The following BCAR3 variants were observed in gnomAD, a reference collection of about 807,000 sequenced individuals.
BCAR3 encodes BCAR3 adaptor protein, NSP family member.
Under a neutral mutation model 80.1 loss-of-function variants are expected in BCAR3, and 37 were observed. That is an observed-to-expected ratio of 0.46 (90% CI 0.36 to 0.61). The LOEUF is 0.61. Among genes scored for constraint, BCAR3 ranks in the 20% least tolerant of loss-of-function variants. The pLI is 0.00. For missense variants in BCAR3, 978 were observed against 1,068.2 expected (o/e 0.92, Z 1.18); for synonymous variants, 389 against 418.9 (o/e 0.93, Z 0.87).
At chr1:93,579,275 G>T (rs573134082) in intron 7 of BCAR3, among the ~76,000 whole-genome samples, 28 of 152,370 alleles carry the variant, frequency 1.8e-4, no homozygotes, top group African/African-American at 6.0e-4. Flanking sequence ...CTTGGGATAG[G>T]AAACAACAGG....
chr1:93,729,404 A>G lies in BCAR3; in HGVS notation c.-62-23262T>C, dbSNP rs964189197. On this transcript the variant is annotated intron_variant, in intron 2 of 13. Coordinates refer to the BCAR3 transcript ENST00000370244. ...TACTGTACTGAAAGTGAGAAACAGA[A>G]AAGTTGTATGGCTACTGGAATTACG... Among the ~76,000 whole-genome samples the G allele has an allele frequency of 2.6e-5, 4 of 152,174 alleles. No homozygotes were observed. The South Asian group carries it at 8.3e-4, about 32-fold the overall frequency.
At chr1:93,716,710 C>T (rs527794238) in intron 2 of BCAR3, among the ~76,000 whole-genome samples, 2 of 152,180 alleles carry the variant, frequency 1.3e-5, no homozygotes, top group African/African-American at 4.8e-5. Context: ...TCTCCCACAG[C>T]GCCTTGGAGA....
chr1:93,634,203 T>C (rs1190412521), intron 3 of BCAR3, among the ~76,000 whole-genome samples: 3 of 152,234 alleles, frequency 2.0e-5, no homozygotes, highest in African/African-American at 7.2e-5. Context: ...CCTTTGAGAC[T>C]GTCTACTTTC....
chr1:93,619,242 A>G (rs111367773), intron 3 of BCAR3, among the ~76,000 whole-genome samples: 6,948 of 151,642 alleles, frequency 0.046, 565 homozygotes, highest in African/African-American at 0.16. Flanking sequence ...CACTGTGCCC[A>G]GCCAAAGCCA....
At chr1:93,729,129 C>T (rs1650697623) in intron 2 of BCAR3, among the ~76,000 whole-genome samples, 1 of 152,160 alleles carries the variant, frequency 6.6e-6, no homozygotes, top group Admixed American at 6.5e-5. Context: ...TTCATGTAGG[C>T]AGTTTATTGG....
chr1:93,789,271 C>A (rs1653055581), intron 2 of BCAR3, among the ~76,000 whole-genome samples: 1 of 152,202 alleles, frequency 6.6e-6, no homozygotes, highest in Non-Finnish European at 1.5e-5. Context: ...CCACTACACC[C>A]AACCTATTAA....
chr1:93,714,547 A>C (rs1377644330), intron 2 of BCAR3, among the ~76,000 whole-genome samples: 1 of 152,206 alleles, frequency 6.6e-6, no homozygotes, highest in Non-Finnish European at 1.5e-5. Flanking sequence ...CCTTCAGAAC[A>C]TAAGCTTCAA....
intron 3 of BCAR3, among the ~76,000 whole-genome samples, chr1:93,624,760 G>T (rs1299101409): frequency 6.6e-6 from 1 of 152,224 alleles, no homozygotes; most frequent in Non-Finnish European, 1.5e-5. Context: ...CATGGTATTT[G>T]CAAGAAGGTA....
intron 2 of BCAR3, among the ~76,000 whole-genome samples, chr1:93,843,617 T>C (rs916051226): frequency 4.6e-5 from 7 of 152,218 alleles, no homozygotes; most frequent in Non-Finnish European, 7.4e-5. Context: ...TCTCACCCTT[T>C]AAAAATTCCT....
chr1:93,807,932 G>A (rs1291421432), intron 2 of BCAR3, among the ~76,000 whole-genome samples: 1 of 151,724 alleles, frequency 6.6e-6, no homozygotes, highest in Non-Finnish European at 1.5e-5. Flanking sequence ...CTACTTGACA[G>A]TGAAATTGGG....
At chr1:93,595,564 A>G (rs1268813292) in intron 3 of BCAR3, among the ~76,000 whole-genome samples, 3 of 152,192 alleles carry the variant, frequency 2.0e-5, no homozygotes, top group Non-Finnish European at 4.4e-5. Context: ...TTATTTTGGG[A>G]GTGGAAACCT....
chr1:93,589,460 T>A (rs1455979656), intron 4 of BCAR3, 41 bp from the exon 5 acceptor site: 1 of 1,522,672 alleles, frequency 6.6e-7, no homozygotes, highest in Admixed American at 1.8e-5. Flanking sequence ...GAAAGGCAAA[T>A]TCACATTCCT....
intron 2 of BCAR3, among the ~76,000 whole-genome samples, chr1:93,672,793 G>A (rs1039634781): frequency 4.6e-5 from 7 of 152,240 alleles, no homozygotes; most frequent in African/African-American, 1.7e-4. Flanking sequence ...AGCAGTTCAG[G>A]GCTCTCTAGT....
At chr1:93,617,359 C>T (rs1372431198) in intron 3 of BCAR3, among the ~76,000 whole-genome samples, 2 of 152,164 alleles carry the variant, frequency 1.3e-5, no homozygotes, top group Admixed American at 1.3e-4. Flanking sequence ...ACATCTGGAA[C>T]GTAATACTGC....
chr1:93,725,652 T>G (rs1650555489), intron 2 of BCAR3, among the ~76,000 whole-genome samples: 1 of 152,254 alleles, frequency 6.6e-6, no homozygotes, highest in Non-Finnish European at 1.5e-5. Flanking sequence ...TGATTAATGC[T>G]CTCTGTGTCT....
intron 1 of BCAR3, among the ~76,000 whole-genome samples, chr1:93,676,257 T>A (rs571072533): frequency 2.6e-5 from 4 of 152,216 alleles, no homozygotes; most frequent in East Asian, 1.9e-4. Context: ...CCAAGAAGAA[T>A]GCAACCCTCC....
At chr1:93,680,931 C>T (rs989502712) in intron 1 of BCAR3, among the ~76,000 whole-genome samples, 1 of 152,186 alleles carries the variant, frequency 6.6e-6, no homozygotes, top group Non-Finnish European at 1.5e-5. Flanking sequence ...TCGGAACCTC[C>T]TTCCCACCGT....
At chr1:93,770,994 T>C (rs1234481904) in intron 2 of BCAR3, among the ~76,000 whole-genome samples, 1 of 152,210 alleles carries the variant, frequency 6.6e-6, no homozygotes, top group Non-Finnish European at 1.5e-5. Flanking sequence ...CACTGTACTA[T>C]ACCTTTCACA....
At chr1:93,616,071 C>T (rs903433605) in intron 3 of BCAR3, among the ~76,000 whole-genome samples, 2 of 152,122 alleles carry the variant, frequency 1.3e-5, no homozygotes, top group Non-Finnish European at 2.9e-5. Flanking sequence ...CATAGAATTA[C>T]GAATAAAGTG....
Sources: gnomAD v4.1 joint callset for allele counts (sites outside exome capture counted in the v4.1 genomes callset) on GRCh38, gnomAD v4.1.1 for gene constraint, MANE v1.5 for transcripts, NCBI Gene and HGNC (gene_info 2026-07-23, HGNC 2026-07-21) for gene names.